The following KDM4C variants were observed in gnomAD, a reference collection of about 807,000 sequenced individuals.
KDM4C encodes lysine-specific demethylase 4C.
KDM4C carries 81 observed loss-of-function variants against 129.3 expected under a neutral mutation model. The ratio of observed to expected loss-of-function variants is 0.63; its 90% CI spans 0.52 to 0.75. The LOEUF is 0.75. Ranked by LOEUF, KDM4C falls within the 30% of genes least tolerant of loss-of-function variation. KDM4C has a pLI of 0.00. For synonymous variants in KDM4C, 573 were observed against 456.1 expected, an observed-to-expected ratio of 1.26 and a Z score of -3.26; for missense variants, 1,457 against 1,304.0, an observed-to-expected ratio of 1.12 and a Z score of -1.81.
In KDM4C at chr9:6,893,194, A is replaced by G; in HGVS notation, c.883A>G (p.Thr295Ala). 1 of 1,611,358 alleles carries G rather than the reference A, an allele frequency of 6.2e-7. No individual in the cohort carries two copies. The highest frequency in any genetic ancestry group is 2.2e-5 in the East Asian group (1 of 44,666). The change falls in exon 8 of 22, where the codon ACT becomes GCT. Residue 295 changes from threonine (T) to alanine (A), a missense_variant. Coordinates refer to ENST00000381309, the MANE Select transcript of KDM4C (RefSeq NM_015061.6). ...FNCAESTNFA[T>A]VRWIDYGKVA... The stretch of plus-strand genomic sequence containing the variant: ...CTGTGCAGAATCTACAAATTTTGCT[A>G]CTGTCAGATGGATTGACTATGGAAA...
chr9:6,776,519 C>T (rs541122429), intron 1 of KDM4C, among the ~76,000 whole-genome samples: 29 of 151,298 alleles, frequency 1.9e-4, no homozygotes, highest in Admixed American at 5.9e-4. Context: ...GGATTACAGG[C>T]GTGAGCCACT....
chr9:6,926,894 T>C (rs1822675091), intron 8 of KDM4C, among the ~76,000 whole-genome samples: 1 of 152,232 alleles, frequency 6.6e-6, no homozygotes, highest in African/African-American at 2.4e-5. Flanking sequence ...TATTTTCTTA[T>C]TCATAAACAT....
At chr9:6,777,324 C>G (rs962019425) in intron 1 of KDM4C, among the ~76,000 whole-genome samples, 1 of 152,336 alleles carries the variant, frequency 6.6e-6, no homozygotes, top group African/African-American at 2.4e-5. Context: ...TAGGTTTTAT[C>G]TTTTCAAAGC....
intron 18 of KDM4C, among the ~76,000 whole-genome samples, chr9:7,117,923 C>G (rs1046024251): frequency 1.3e-5 from 2 of 152,164 alleles, no homozygotes; most frequent in Admixed American, 1.3e-4. Context: ...ACTCTCATCT[C>G]TGTTCTTTAT....
intron 1 of KDM4C, chr9:6,734,885 C>A (rs1222341309): frequency 1.8e-6 from 1 of 558,822 alleles, no homozygotes; most frequent in Non-Finnish European, 3.6e-6. Context: ...TAAGAGACTT[C>A]ACAATGGAAG....
chr9:7,008,796 C>T (rs183966832), intron 12 of KDM4C, among the ~76,000 whole-genome samples: 17 of 152,300 alleles, frequency 1.1e-4, no homozygotes, highest in Admixed American at 6.5e-4. Context: ...CACATACTGA[C>T]GCAGACACAA....
chr9:7,161,668 G>A (rs1843811593), intron 19 of KDM4C, among the ~76,000 whole-genome samples: 1 of 152,152 alleles, frequency 6.6e-6, no homozygotes, highest in South Asian at 2.1e-4. Context: ...TCTGTCCCTG[G>A]CTTGGGCTGC....
At chr9:6,849,888 A>G (rs1838523025) in intron 5 of KDM4C, among the ~76,000 whole-genome samples, 188 bp downstream of exon 5, 1 of 152,182 alleles carries the variant, frequency 6.6e-6, no homozygotes, top group South Asian at 2.1e-4. Flanking sequence ...CATAAACCCC[A>G]TGGTAACTCG....
intron 17 of KDM4C, among the ~76,000 whole-genome samples, chr9:7,065,772 ATTTAT>A (rs1157890801): frequency 1.3e-5 from 2 of 152,188 alleles, no homozygotes; most frequent in African/African-American, 4.8e-5. Context: ...ATTTGGTATG[ATTTAT>A]TTTAATAAGT....
intron 17 of KDM4C, among the ~76,000 whole-genome samples, chr9:7,051,617 G>A (rs1224917690): frequency 1.3e-5 from 2 of 152,092 alleles, no homozygotes; most frequent in Non-Finnish European, 2.9e-5. Flanking sequence ...AGTAAGTCCA[G>A]GTAAGCTATT....
chr9:6,744,944 G>C (rs1817827903), intron 1 of KDM4C, among the ~76,000 whole-genome samples: 1 of 152,080 alleles, frequency 6.6e-6, no homozygotes, highest in Non-Finnish European at 1.5e-5. Flanking sequence ...CAGATATATG[G>C]GATGGAGGTG....
chr9:7,123,013 G>A (rs1012436568), intron 18 of KDM4C, among the ~76,000 whole-genome samples: 2 of 152,142 alleles, frequency 1.3e-5, no homozygotes, highest in East Asian at 3.8e-4. Flanking sequence ...GGGTATGCTT[G>A]TCAATACATT....
intron 8 of KDM4C, among the ~76,000 whole-genome samples, chr9:6,968,019 A>G (rs1475914967): frequency 1.3e-5 from 2 of 152,246 alleles, no homozygotes. Flanking sequence ...CTTTACATTT[A>G]TCATTGTACC....
chr9:6,979,275 T>C (rs2039869), intron 8 of KDM4C, among the ~76,000 whole-genome samples: 38,181 of 152,120 alleles, frequency 0.25, 5,190 homozygotes, highest in South Asian at 0.45. Flanking sequence ...CCTCATTATA[T>C]GTAACCAATA....
At position 6,964,222 on chromosome 9, in the gene KDM4C, A is replaced by G. The variant is rs1229934142; in HGVS notation, c.922-16703A>G. ...ATCATTTACATTAGGTATATCTTCTATTGCTATCCCTCCCCCCTCCCCTGA... is the reference window on the plus strand; with the variant it reads ...ATCATTTACATTAGGTATATCTTCTGTTGCTATCCCTCCCCCCTCCCCTGA... On this transcript the variant is annotated intron_variant, in intron 8 of 21. Coordinates refer to ENST00000381309, the MANE Select transcript of KDM4C (RefSeq NM_015061.6). 6.6e-5 allele frequency among the ~76,000 whole-genome samples: 10 copies of G among 151,108 alleles called. No individual in the cohort carries two copies. In the South Asian group the frequency reaches 1.1e-3, roughly 16 times the overall value.
In KDM4C at chr9:6,893,181, T is replaced by C. The variant is rs566634334; in HGVS notation, c.870T>C (p.Ser290=). The C allele has an allele frequency of 3.1e-6, 5 of 1,611,504 alleles. No individual in the cohort carries two copies. The South Asian group carries it at 5.5e-5, about 18-fold the overall frequency. The change falls in exon 8 of 22, where the codon TCT becomes TCC. Residue 290 remains serine, a synonymous_variant. Coordinates refer to ENST00000381309, the MANE Select transcript of KDM4C (RefSeq NM_015061.6). ...ATCATGGTTTCAACTGTGCAGAATCTACAAATTTTGCTACTGTCAGATGGA... is the reference window on the plus strand; with the variant it reads ...ATCATGGTTTCAACTGTGCAGAATCCACAAATTTTGCTACTGTCAGATGGA... ...GFNHGFNCAE[S]TNFATVRWID...
At chr9:7,078,967 C>T (rs1834226635) in intron 17 of KDM4C, among the ~76,000 whole-genome samples, 1 of 152,192 alleles carries the variant, frequency 6.6e-6, no homozygotes, top group Non-Finnish European at 1.5e-5. Context: ...TTATTGAGGG[C>T]TGATCACATA....
intron 5 of KDM4C, among the ~76,000 whole-genome samples, chr9:6,877,783 C>G (rs968756785): frequency 3.3e-5 from 5 of 152,110 alleles, no homozygotes; most frequent in Non-Finnish European, 7.4e-5. Context: ...TTCCTAGTTC[C>G]TTTGTTATGT....
intron 2 of KDM4C, among the ~76,000 whole-genome samples, chr9:6,802,291 C>A (rs930351343): frequency 3.9e-5 from 6 of 152,110 alleles, no homozygotes; most frequent in Admixed American, 3.9e-4. Context: ...TGGGAACTCT[C>A]GTATATTGCA....
Sources: gnomAD v4.1 joint callset for allele counts (sites outside exome capture counted in the v4.1 genomes callset) on GRCh38, gnomAD v4.1.1 for gene constraint, MANE v1.5 for transcripts, NCBI Gene and HGNC (gene_info 2026-07-23, HGNC 2026-07-21) for gene names.